The following PCDH17 variants were observed in gnomAD, a reference collection of about 807,000 sequenced individuals.
PCDH17 encodes the protein protocadherin-17.
A neutral mutation model predicts 67.7 loss-of-function variants in PCDH17; 21 were observed. The observed-to-expected ratio is 0.31, with a 90% CI of 0.22 to 0.45. PCDH17 has a LOEUF of 0.45. Among genes scored for constraint, PCDH17 ranks in the 20% least tolerant of loss-of-function variants. The pLI, the probability that PCDH17 is intolerant of heterozygous loss-of-function variation, is 1.00. For synonymous variants in PCDH17, 701 were observed against 656.7 expected (o/e 1.07, Z -1.03); for missense variants, 1,471 against 1,564.8 (o/e 0.94, Z 1.01).
intron 3 of PCDH17, among the ~76,000 whole-genome samples, chr13:57,703,820 CT>C (rs1290943030): frequency 2.0e-5 from 3 of 151,866 alleles, no homozygotes; most frequent in African/African-American, 7.3e-5. Context: ...TAATTATGAC[CT>C]TTTTAATGTA....
chr13:57,663,266 T>C (rs1457413689), intron 1 of PCDH17, among the ~76,000 whole-genome samples: 1 of 152,146 alleles, frequency 6.6e-6, no homozygotes, highest in Non-Finnish European at 1.5e-5. Context: ...TTAGTTTGCA[T>C]GAAAGATAAG....
In PCDH17 at chr13:57,686,916, A is replaced by G. The variant is rs1955512896; in HGVS notation, c.2797+20083A>G. On this transcript the variant is annotated intron_variant, in intron 3 of 3. Coordinates refer to ENST00000377918, the MANE Select transcript of PCDH17 (RefSeq NM_001040429.3). The stretch of plus-strand genomic sequence containing the variant: ...AGAACGCACTGTGGTCTGTTTCACA[A>G]ATCTTTTTGTTATGACTATTGTGTT... Among the ~76,000 whole-genome samples, 2 of 152,128 alleles carry G rather than the reference A, an allele frequency of 1.3e-5. 1 individual carries two copies. Among genetic ancestry groups the G allele is most frequent in the East Asian group, 3.9e-4 (2 of 5,144 alleles).
intron 3 of PCDH17, among the ~76,000 whole-genome samples, chr13:57,710,981 T>G (rs1311493363): frequency 6.6e-6 from 1 of 151,674 alleles, no homozygotes; most frequent in East Asian, 1.9e-4. Context: ...TGCATGTGCA[T>G]GCACACACAC....
intron 3 of PCDH17, among the ~76,000 whole-genome samples, chr13:57,682,447 T>C (rs1353002607): frequency 6.6e-6 from 1 of 151,774 alleles, no homozygotes; most frequent in Non-Finnish European, 1.5e-5. Context: ...AATCAGGTCA[T>C]TTCACTCTTC....
At chr13:57,642,641 C>T (rs1295814464) in intron 1 of PCDH17, among the ~76,000 whole-genome samples, 1 of 151,326 alleles carries the variant, frequency 6.6e-6, no homozygotes, top group Admixed American at 6.6e-5. Flanking sequence ...GGATTTCCAC[C>T]TAAATACTTA....
At position 57,729,147 on chromosome 13, in the gene PCDH17, C is replaced by T. The variant is rs1955934811; in HGVS notation, c.*3853C>T. 1 of 152,046 alleles carries T rather than the reference C, an allele frequency of 6.6e-6. No individual in the cohort carries two copies. Among genetic ancestry groups the T allele is most frequent in the Non-Finnish European group, 1.5e-5 (1 of 67,972 alleles). The allele number at this position is 152,046 out of a possible 1,614,324, so 9.4% of individuals were successfully genotyped here. On this transcript the variant is annotated 3_prime_UTR_variant, in exon 4 of 4. Transcript: ENST00000377918. ...AGGTTGGCTATTTCCATTATCAGCC[C>T]ATCACTCCATAAAGTTCTTAGCTGC...
At chr13:57,650,218 T>TTTTGTGTGTGTG (rs3221653) in intron 1 of PCDH17, among the ~76,000 whole-genome samples, 1 of 137,480 alleles carries the variant, frequency 7.3e-6, no homozygotes, top group Non-Finnish European at 1.6e-5. Flanking sequence ...GGACCCTTGA[T>TTTTGTGTGTGTG]TGTGTGTGTG....
At chr13:57,668,814 T>C (rs933068008) in intron 3 of PCDH17, among the ~76,000 whole-genome samples, 5 of 152,082 alleles carry the variant, frequency 3.3e-5, no homozygotes, top group African/African-American at 1.2e-4. Context: ...TGTAAAAGAC[T>C]GGCTTCCACT....
chr13:57,696,180 C>A (rs1460424396), intron 3 of PCDH17, among the ~76,000 whole-genome samples: 1 of 151,328 alleles, frequency 6.6e-6, no homozygotes, highest in Non-Finnish European at 1.5e-5. Flanking sequence ...GTAATTACTA[C>A]CTTGATTTTC....
Position 57,634,650 on chromosome 13 carries a change from T to C in PCDH17, c.2104T>C (p.Trp702Arg), listed in dbSNP as rs1173195197. 16 of 1,613,398 alleles carry C rather than the reference T, an allele frequency of 9.9e-6. No homozygotes were observed. The highest frequency in any genetic ancestry group is 1.3e-5 in the African/African-American group (1 of 74,874). The part of the protein sequence containing the change: ...VPRVNGEQHH[W>R]DMSLPLIVTL... ...ACGGGTGAATGGCGAGCAGCACCAC[T>C]GGGACATGTCGCTGCCGCTCATCGT... Residue 702 changes from tryptophan (W) to arginine (R), a missense_variant, in exon 1 of 4, where the codon TGG becomes CGG. This residue lies in a region of PCDH17 where 1,163 missense variants were observed against 1,230.0 expected (regional missense o/e 0.95). Coordinates refer to ENST00000377918, the MANE Select transcript of PCDH17 (RefSeq NM_001040429.3). The surrounding 1 kb of genome is among the most constrained non-coding windows in gnomAD (Gnocchi z 7.8).
intron 1 of PCDH17, among the ~76,000 whole-genome samples, chr13:57,651,812 A>G (rs1955043427): frequency 6.6e-6 from 1 of 152,156 alleles, no homozygotes; most frequent in African/African-American, 2.4e-5. Flanking sequence ...AAAGAATATG[A>G]TAAATACTAA....
At chr13:57,707,553 T>C (rs1955732535) in intron 3 of PCDH17, among the ~76,000 whole-genome samples, 1 of 152,056 alleles carries the variant, frequency 6.6e-6, no homozygotes, top group South Asian at 2.1e-4. Flanking sequence ...CACTTCTACA[T>C]TTTTAGATAT....
At position 57,632,664 on chromosome 13, in the gene PCDH17, A is replaced by G; in HGVS notation, c.118A>G (p.Arg40Gly). The G allele has an allele frequency of 1.9e-6, 3 of 1,612,268 alleles. No homozygotes were observed. The highest frequency in any genetic ancestry group is 2.5e-6 in the Non-Finnish European group (3 of 1,179,942). The change falls in exon 1 of 4, where the codon AGG (arginine) becomes GGG (glycine). Residue 40 changes from arginine (R) to glycine (G), a missense_variant. By Grantham distance (125) the Arg-to-Gly change is moderately radical. This residue lies in a region of PCDH17 where 1,163 missense variants were observed against 1,230.0 expected (regional missense o/e 0.95). Transcript: ENST00000377918. ...GAGTVIGNIG[R>G]DARLQPGLPP... ...CGGCACGGTGATCGGGAACATCGGC[A>G]GGGATGCTCGACTGCAGCCTGGGCT...
intron 1 of PCDH17, among the ~76,000 whole-genome samples, chr13:57,639,841 T>TA (rs1306509014): frequency 6.6e-6 from 1 of 151,980 alleles, no homozygotes; most frequent in Non-Finnish European, 1.5e-5. Flanking sequence ...CTAAAATTGT[T>TA]ACCTCAACTA....
At chr13:57,636,443 A>G (rs1355739420) in intron 1 of PCDH17, among the ~76,000 whole-genome samples, 1 of 152,194 alleles carries the variant, frequency 6.6e-6, no homozygotes, top group Non-Finnish European at 1.5e-5. Flanking sequence ...TTTCTAACAT[A>G]ATAAGTATAC....
chr13:57,699,953 T>C (rs934766971), intron 3 of PCDH17, among the ~76,000 whole-genome samples: 1 of 152,162 alleles, frequency 6.6e-6, no homozygotes, highest in African/African-American at 2.4e-5. Flanking sequence ...TTTCCTTGCC[T>C]TATGAGTAGG....
intron 3 of PCDH17, among the ~76,000 whole-genome samples, chr13:57,695,007 C>A (rs1387381216): frequency 6.6e-6 from 1 of 151,122 alleles, no homozygotes; most frequent in African/African-American, 2.4e-5. Context: ...TTATTAACCA[C>A]TTGATTCCTG....
chr13:57,642,454 T>C (rs575094150), intron 1 of PCDH17, among the ~76,000 whole-genome samples: 2 of 151,742 alleles, frequency 1.3e-5, no homozygotes, highest in Non-Finnish European at 3.0e-5. Context: ...TTCTGAAAGA[T>C]TCTGATGCTA....
chr13:57,720,332 T>G (rs1238927691), intron 3 of PCDH17, among the ~76,000 whole-genome samples: 1 of 152,058 alleles, frequency 6.6e-6, no homozygotes, highest in African/African-American at 2.4e-5. Flanking sequence ...AGTGTTGATC[T>G]AATCATAGGT....
Sources: gnomAD v4.1 joint callset for allele counts (sites outside exome capture counted in the v4.1 genomes callset) on GRCh38, gnomAD v4.1.1 for gene constraint, gnomAD v4.1.1 regional missense constraint, Gnocchi (gnomAD v3.1) non-coding constraint, MANE v1.5 for transcripts, NCBI Gene and HGNC (gene_info 2026-07-23, HGNC 2026-07-21) for gene names.